MBNL2: variants seen among roughly 807,000 people sequenced by gnomAD.
MBNL2 encodes the protein muscleblind-like protein 2.
A neutral mutation model predicts 41.9 loss-of-function variants in MBNL2; 17 were observed. The observed-to-expected ratio is 0.41, with a 90% CI of 0.28 to 0.61. The LOEUF (loss-of-function observed/expected upper bound fraction) is 0.61. Among genes scored for constraint, MBNL2 ranks in the 20% least tolerant of loss-of-function variants. The pLI is 0.35. For missense variants in MBNL2, 336 were observed against 505.6 expected, an observed-to-expected ratio of 0.66 and a Z score of 3.22; for synonymous variants, 195 against 182.9, an observed-to-expected ratio of 1.07 and a Z score of -0.53.
intron 2 of MBNL2, among the ~76,000 whole-genome samples, chr13:97,303,531 C>T (rs1461726583): frequency 1.3e-5 from 2 of 152,188 alleles, no homozygotes; most frequent in African/African-American, 4.8e-5. Flanking sequence ...TGCCGGCTCT[C>T]TCAACCATGC....
intron 8 of MBNL2, among the ~76,000 whole-genome samples, chr13:97,371,592 T>G (rs1175635687): frequency 6.6e-6 from 1 of 151,952 alleles, no homozygotes; most frequent in African/African-American, 2.4e-5. Context: ...ACTTGGCCAC[T>G]GAAGGATTTT....
chr13:97,342,795 T>C (rs1206502299), intron 3 of MBNL2, among the ~76,000 whole-genome samples: 6 of 152,228 alleles, frequency 3.9e-5, no homozygotes, highest in South Asian at 2.1e-4. Flanking sequence ...CTTAATCTAG[T>C]TCCTGTAACT....
At chr13:97,203,873 A>AATGGATGGATGG in the MBNL2 span, among the ~76,000 whole-genome samples, 11 of 149,584 alleles carry the variant, frequency 7.4e-5, no homozygotes, top group South Asian at 2.2e-4. Flanking sequence ...ATGATAAGTG[A>AATGGATGGATGG]ATGGATGGAT....
intron 1 of MBNL2, among the ~76,000 whole-genome samples, chr13:97,225,164 G>A (rs748255206): frequency 5.3e-5 from 8 of 152,150 alleles, no homozygotes; most frequent in East Asian, 1.9e-4. Flanking sequence ...AGCCAGTCCC[G>A]CGCTCAGGGA....
At chr13:97,254,585 C>T (rs978143667) in intron 1 of MBNL2, among the ~76,000 whole-genome samples, 10 of 152,176 alleles carry the variant, frequency 6.6e-5, no homozygotes, top group Admixed American at 3.3e-4. Flanking sequence ...TTAACTTCTG[C>T]GTTGACTTCT....
intron 8 of MBNL2, among the ~76,000 whole-genome samples, chr13:97,374,677 C>T (rs1372835401): frequency 1.3e-5 from 2 of 152,138 alleles, no homozygotes; most frequent in Non-Finnish European, 2.9e-5. Context: ...AGACATGAGC[C>T]CCTGTGCCCG....
At chr13:97,163,515 C>T in the MBNL2 span, among the ~76,000 whole-genome samples, 1 of 152,292 alleles carries the variant, frequency 6.6e-6, no homozygotes, top group East Asian at 1.9e-4. Flanking sequence ...CAGGCAGTTG[C>T]CCCTTCTCCG....
the MBNL2 span, among the ~76,000 whole-genome samples, chr13:97,208,297 G>A: frequency 6.6e-6 from 1 of 152,148 alleles, no homozygotes; most frequent in Admixed American, 6.5e-5. Context: ...TATTTAGCAG[G>A]AAAACGATGA....
intron 2 of MBNL2, among the ~76,000 whole-genome samples, chr13:97,312,365 CT>C (rs760235162): frequency 2.0e-5 from 3 of 152,202 alleles, no homozygotes; most frequent in Non-Finnish European, 4.4e-5. Context: ...TTTCACCTTC[CT>C]TTTTGAGTAC....
the MBNL2 span, among the ~76,000 whole-genome samples, chr13:97,194,897 C>G: frequency 6.6e-6 from 1 of 152,212 alleles, no homozygotes; most frequent in Admixed American, 6.5e-5. Context: ...GAAATCCCTG[C>G]TCTTTTCCCA....
chr13:97,330,385 G>A (rs972187551), intron 2 of MBNL2, among the ~76,000 whole-genome samples: 3 of 151,978 alleles, frequency 2.0e-5, no homozygotes, highest in Non-Finnish European at 4.4e-5. Flanking sequence ...CCCCATCTCC[G>A]TCTCCACCCC....
the MBNL2 span, among the ~76,000 whole-genome samples, chr13:97,150,253 T>G: frequency 6.6e-6 from 1 of 152,202 alleles, no homozygotes; most frequent in Admixed American, 6.5e-5. Flanking sequence ...GAGTTATCCA[T>G]GCTGAGATGC....
intron 2 of MBNL2, among the ~76,000 whole-genome samples, chr13:97,314,977 T>C (rs951759517): frequency 6.6e-6 from 1 of 152,216 alleles, no homozygotes; most frequent in Admixed American, 6.5e-5. Flanking sequence ...ATTGGGCATA[T>C]AGTAATATAC....
intron 2 of MBNL2, among the ~76,000 whole-genome samples, chr13:97,280,409 A>T (rs920577947): frequency 7.9e-5 from 12 of 152,250 alleles, no homozygotes; most frequent in Admixed American, 7.9e-4. Context: ...ACACAATTTT[A>T]AAAATAGTAT....
At chr13:97,164,541 G>A in the MBNL2 span, among the ~76,000 whole-genome samples, 5 of 152,212 alleles carry the variant, frequency 3.3e-5, no homozygotes, top group African/African-American at 1.2e-4. Context: ...GCAAGTTTAG[G>A]TGAAGCAGCA....
At chr13:97,142,067 C>T in the MBNL2 span, among the ~76,000 whole-genome samples, 16 of 152,052 alleles carry the variant, frequency 1.1e-4, no homozygotes, top group African/African-American at 3.9e-4. Context: ...GACTAGCAAC[C>T]GATAGAAATT....
chr13:97,271,440 ATT>A (rs2050981729), intron 1 of MBNL2, among the ~76,000 whole-genome samples: 1 of 150,256 alleles, frequency 6.7e-6, no homozygotes. Context: ...TTATTTATTT[ATT>A]TCTAAAAAAA....
At chr13:97,312,091 T>C (rs1482333946) in intron 2 of MBNL2, among the ~76,000 whole-genome samples, 2 of 152,196 alleles carry the variant, frequency 1.3e-5, no homozygotes, top group Non-Finnish European at 2.9e-5. Context: ...TGTGAGAACA[T>C]TCTGGAAACG....
intron 8 of MBNL2, among the ~76,000 whole-genome samples, chr13:97,380,456 T>G (rs1387031375): frequency 6.6e-6 from 1 of 151,894 alleles, no homozygotes; most frequent in African/African-American, 2.4e-5. Context: ...ATTGCGCCTT[T>G]GCACTCCAGC....
Sources: allele counts gnomAD v4.1 joint callset (sites outside exome capture counted in the v4.1 genomes callset), GRCh38; gene constraint gnomAD v4.1.1; transcripts MANE v1.5; gene names NCBI Gene and HGNC (gene_info 2026-07-23, HGNC 2026-07-21).